Variants in PCDH18 observed in about 807,000 individuals in gnomAD.
The protein encoded by PCDH18 is protocadherin-18.
A neutral mutation model predicts 71.5 loss-of-function variants in PCDH18; 38 were observed. That is an observed-to-expected ratio of 0.53 (90% CI 0.41 to 0.70). PCDH18 has a LOEUF of 0.70. Among genes scored for constraint, PCDH18 ranks in the 30% least tolerant of loss-of-function variants. The pLI, the probability that PCDH18 is intolerant of heterozygous loss-of-function variation, is 0.00. For missense variants in PCDH18, 1,334 were observed against 1,384.6 expected (o/e 0.96, Z 0.58); for synonymous variants, 565 against 505.4 (o/e 1.12, Z -1.58).
chr4:137,523,246 G>A (rs1350067475), intron 3 of PCDH18, among the ~76,000 whole-genome samples: 1 of 151,964 alleles, frequency 6.6e-6, no homozygotes, highest in African/African-American at 2.4e-5. Flanking sequence ...GTTATGAAAG[G>A]TTACATTTAA....
Position 137,529,939 on chromosome 4 carries a change from A to G in PCDH18, c.2150T>C (p.Met717Thr). ...GAICAVLLVI[M>T]VLFATRCNRE... is the part of the protein sequence containing the mutation. Reference sequence around the variant, plus strand: ...GTTACACCTAGTTGCAAATAGCACCATAATAACCAGCAACACTGCACAAAT... The same window carrying G: ...GTTACACCTAGTTGCAAATAGCACCGTAATAACCAGCAACACTGCACAAAT... The change falls in exon 1 of 4, where the codon ATG becomes ACG. Residue 717 changes from methionine to threonine, a missense_variant. By Grantham distance (81) the Met-to-Thr change is moderately conservative (BLOSUM62 -1). Transcript: ENST00000344876. 1.2e-6 allele frequency: 2 copies of G among 1,614,006 alleles called. No individual in the cohort carries two copies. Among genetic ancestry groups the G allele is most frequent in the South Asian group, 1.1e-5 (1 of 91,068 alleles).
rs1019497848 is a variant in PCDH18 at position 137,520,139 on chromosome 4, T to C, written c.*890A>G. 4.6e-5 allele frequency: 7 copies of C among 152,636 alleles called. No homozygotes were observed. The highest frequency in any genetic ancestry group is 9.6e-5 in the African/African-American group (4 of 41,458). The allele number at this position is 152,636 out of a possible 1,614,324, so 9.5% of individuals were successfully genotyped here. A position where few individuals can be genotyped will look rare whatever the true frequency, so the allele number is the denominator to read the frequency against. On this transcript the variant is annotated 3_prime_UTR_variant, in exon 4 of 4. Coordinates refer to ENST00000344876, the MANE Select transcript of PCDH18 (RefSeq NM_019035.5). ...ATATTTACTACCTTAGGAGAGACAC[T>C]GACACAACTGTTTTTATCCAGTAAT...
chr4:137,522,789 C>T (rs1450569880), intron 3 of PCDH18, among the ~76,000 whole-genome samples: 1 of 152,132 alleles, frequency 6.6e-6, no homozygotes, highest in Non-Finnish European at 1.5e-5. Context: ...GAAGGATGCC[C>T]ATTCCCTTAT....
intron 3 of PCDH18, among the ~76,000 whole-genome samples, chr4:137,522,599 A>C (rs2149212142): frequency 6.6e-6 from 1 of 152,332 alleles, no homozygotes; most frequent in South Asian, 2.1e-4. Context: ...GCTGTTCAGT[A>C]TTATGATTTC....
At position 137,519,608 on chromosome 4, in the gene PCDH18, A is replaced by G. The variant is rs1454175061; in HGVS notation, c.*1421T>C. Reference sequence around the variant, plus strand: ...CTGCCTGTTTATTATTTGAAACTCAACACTGAATCACCCGCTCAGGAAGGG... The same window carrying G: ...CTGCCTGTTTATTATTTGAAACTCAGCACTGAATCACCCGCTCAGGAAGGG... On this transcript the variant is annotated 3_prime_UTR_variant, in exon 4 of 4. Transcript: ENST00000344876. 6.6e-6 allele frequency: 1 copy of G among 152,180 alleles called. No individual in the cohort carries two copies. The highest frequency in any genetic ancestry group is 1.9e-4 in the East Asian group (1 of 5,190). 9.4% of individuals were successfully genotyped at this position (152,180 alleles called of 1,614,324 possible).
At position 137,521,429 on chromosome 4, in the gene PCDH18, G is replaced by A; in HGVS notation, c.3008C>T (p.Ser1003Phe). The A allele has an allele frequency of 6.2e-7, 1 of 1,614,226 alleles. No homozygotes were observed. The highest frequency in any genetic ancestry group is 8.5e-7 in the Non-Finnish European group (1 of 1,180,040). The change falls in exon 4 of 4, where the codon TCT becomes TTT. Residue 1003 changes from serine (S) to phenylalanine (F), a missense_variant. Coordinates refer to ENST00000344876, the MANE Select transcript of PCDH18 (RefSeq NM_019035.5). ...DEDTGDTSTS[S>F]LLSEMSSVFQ... ...CACACTGCTCATTTCCGAGAGCAGA[G>A]ATGATGTGCTGGTATCCCCAGTGTC... is the stretch of plus-strand genomic sequence containing the variant.
chr4:137,529,656 G>C lies in PCDH18; in HGVS notation c.2433C>G (p.Asn811Lys), dbSNP rs762263730. The change falls in exon 1 of 4, where the codon AAC becomes AAG. Residue 811 changes from asparagine to lysine, a missense_variant. Physicochemically the swap from Asn to Lys is moderately conservative, Grantham distance 94 (BLOSUM62 0). Transcript: ENST00000344876. ...CTAATGAGAAATTCTCTGGCACGTG[G>C]TTTGATGAGATTGTCACCAAACTGT... ...SLNSLVTISS[N>K]HVPENFSLEL... is the part of the protein sequence containing the mutation. 9.9e-6 allele frequency: 16 copies of C among 1,613,670 alleles called. No individual in the cohort carries two copies. Among genetic ancestry groups the C allele is most frequent in the Non-Finnish European group, 1.4e-5 (16 of 1,179,738 alleles).
rs1434008369 is a variant in PCDH18, at chr4:137,530,195, C to G, written c.1894G>C (p.Asp632His). The G allele has an allele frequency of 6.2e-7, 1 of 1,613,452 alleles. No homozygotes were observed. The highest frequency in any genetic ancestry group is 1.7e-5 in the Admixed American group (1 of 59,964). The change falls in exon 1 of 4, where the codon GAT (aspartate) becomes CAT (histidine). Residue 632 changes from aspartate to histidine, a missense_variant. Coordinates refer to ENST00000344876, the MANE Select transcript of PCDH18 (RefSeq NM_019035.5). ...AGNEENIFII[D>H]PRSCDIHTNV... ...GTATGGATGTCACATGATCGTGGAT[C>G]AATTATGAAGATATTCTCCTCATTA... is the stretch of plus-strand genomic sequence containing the variant.
In PCDH18 at chr4:137,530,402, C is replaced by A; in HGVS notation, c.1687G>T (p.Val563Leu). 1 of 1,614,108 alleles carries A rather than the reference C, an allele frequency of 6.2e-7. No individual in the cohort carries two copies. The highest frequency in any genetic ancestry group is 8.5e-7 in the Non-Finnish European group (1 of 1,179,976). ...PKQLVSNTTV[V>L]LTIIDENDNV... ...TCATTTTCGTCAATGATGGTGAGCA[C>A]AACTGTGGTATTGCTTACCAGTTGC... The change falls in exon 1 of 4, where the codon GTG becomes TTG. Residue 563 changes from valine to leucine, a missense_variant. By Grantham distance (32) the Val-to-Leu change is conservative (BLOSUM62 1). Around this residue, in one of 3 missense-constraint regions of PCDH18, gnomAD observed 1,011 missense variants for 1,048.0 expected, o/e 0.96. Coordinates refer to ENST00000344876, the MANE Select transcript of PCDH18 (RefSeq NM_019035.5).
intron 3 of PCDH18, among the ~76,000 whole-genome samples, chr4:137,528,148 C>A (rs990983019): frequency 3.9e-5 from 6 of 152,156 alleles, no homozygotes; most frequent in African/African-American, 1.4e-4. Flanking sequence ...AAGAGTTACA[C>A]AACCGTGTTC....
chr4:137,527,853 T>G (rs1731524779), intron 3 of PCDH18, among the ~76,000 whole-genome samples: 1 of 152,202 alleles, frequency 6.6e-6, no homozygotes, highest in Non-Finnish European at 1.5e-5. Context: ...ATAGCATCTC[T>G]TCTATCTAGC....
rs767081624 is a variant in PCDH18, at chr4:137,521,027, T to G, written c.*2A>C. 1.9e-5 allele frequency: 30 copies of G among 1,570,712 alleles called. No homozygotes were observed. The highest frequency in any genetic ancestry group is 2.5e-5 in the Non-Finnish European group (29 of 1,154,318). ...GAAACAAAAATGCTTCGCTAAAATC[T>G]CCTAGCTCTGGCGGACATCTTGAAG... On this transcript the variant is annotated 3_prime_UTR_variant, in exon 4 of 4. Transcript: ENST00000344876.
In PCDH18 at chr4:137,520,877, T is replaced by C. The variant is rs1731267656; in HGVS notation, c.*152A>G. The C allele has an allele frequency of 7.1e-6, 4 of 566,834 alleles. No homozygotes were observed. Among genetic ancestry groups the C allele is most frequent in the Admixed American group, 6.7e-5 (2 of 29,890 alleles). The allele number at this position is 566,834 out of a possible 1,614,324, so 35.1% of individuals were successfully genotyped here. On this transcript the variant is annotated 3_prime_UTR_variant, in exon 4 of 4. Transcript: ENST00000344876. The stretch of plus-strand genomic sequence containing the variant: ...AATAATCACACTTGCATTGTGTACA[T>C]ACGAAAATACAGTATTTAATATTCA...
rs781658763 is a variant in PCDH18 at position 137,528,541 on chromosome 4, T to C, written c.2677A>G (p.Ile893Val). The change falls in exon 3 of 4, where the codon ATA becomes GTA. Residue 893 changes from isoleucine to valine, a missense_variant. Physicochemically the swap from Ile to Val is conservative, Grantham distance 29 (BLOSUM62 3). This residue lies in a region of PCDH18 where 319 missense variants were observed against 316.3 expected (regional missense o/e 1.01). Coordinates refer to ENST00000344876, the MANE Select transcript of PCDH18 (RefSeq NM_019035.5). Reference protein sequence around the residue: ...SDYDLGRDSPIDRLLGEGFSD... With the variant: ...SDYDLGRDSPVDRLLGEGFSD... The stretch of plus-strand genomic sequence containing the variant: ...AATCCTTCACCCAACAGCCTATCTA[T>C]TGGAGAATCTCGCCCCAAATCATAA... 6.2e-7 allele frequency: 1 copy of C among 1,614,018 alleles called. No homozygotes were observed. Among genetic ancestry groups the C allele is most frequent in the African/African-American group, 1.3e-5 (1 of 75,028 alleles).
intron 3 of PCDH18, among the ~76,000 whole-genome samples, chr4:137,524,825 A>G (rs1426914449): frequency 2.0e-5 from 3 of 152,168 alleles, no homozygotes; most frequent in Non-Finnish European, 4.4e-5. Flanking sequence ...AATGTTCTCA[A>G]AATGTTGTTC....
rs377299917 is a variant in PCDH18 at position 137,532,448 on chromosome 4, C to G, written c.-360G>C. ...GCGATTCTTTCTCCCTTTAGCTGCT[C>G]GGCTGCAGACTAAACACCCGTGATT... On this transcript the variant is annotated 5_prime_UTR_variant, in exon 1 of 4. Coordinates refer to ENST00000344876, the MANE Select transcript of PCDH18 (RefSeq NM_019035.5). 2.3e-5 allele frequency: 15 copies of G among 657,498 alleles called. No homozygotes were observed. In the African/African-American group the frequency reaches 2.5e-4, roughly 11 times the overall value. 40.7% of individuals were successfully genotyped at this position (657,498 alleles called of 1,614,324 possible).
Position 137,530,660 on chromosome 4 carries a change from TTTCTGAAATTACAAA to T in PCDH18, c.1414_1428del (p.Phe472_Glu476del). 1 of 1,613,284 alleles carries T rather than the reference TTTCTGAAATTACAAA, an allele frequency of 6.2e-7. No individual in the cohort carries two copies. The highest frequency in any genetic ancestry group is 8.5e-7 in the Non-Finnish European group (1 of 1,179,710). ...GTGATATATGCCCCTGGTGAGTTAT[TTTCTGAAATTACAAA>T]TTCATATCGGCTTCTCTGGAAGTGG... On this transcript the variant is annotated inframe_deletion, in exon 1 of 4. Coordinates refer to ENST00000344876, the MANE Select transcript of PCDH18 (RefSeq NM_019035.5).
chr4:137,531,374 A>C lies in PCDH18; in HGVS notation c.715T>G (p.Ser239Ala). The change falls in exon 1 of 4, where the codon TCC (serine) becomes GCC (alanine). Residue 239 changes from serine to alanine, a missense_variant. By Grantham distance (99) the Ser-to-Ala change is moderately conservative. Coordinates refer to ENST00000344876, the MANE Select transcript of PCDH18 (RefSeq NM_019035.5). The stretch of plus-strand genomic sequence containing the variant: ...TCAAAAGCAGGGCTGTTGTCATTGG[A>C]GTCTGAAATGCTTATTTTTAGTATG... ...SSILKISISD[S>A]NDNSPAFEQQ... The C allele has an allele frequency of 6.2e-7, 1 of 1,613,382 alleles. No homozygotes were observed. The highest frequency in any genetic ancestry group is 1.7e-4 in the Middle Eastern group (1 of 6,050).
chr4:137,527,955 A>G (rs1277446596), intron 3 of PCDH18, among the ~76,000 whole-genome samples: 1 of 152,184 alleles, frequency 6.6e-6, no homozygotes, highest in Non-Finnish European at 1.5e-5. Context: ...CTTACCACCT[A>G]CAAAGATGCA....
Sources: allele counts gnomAD v4.1 joint callset (sites outside exome capture counted in the v4.1 genomes callset), GRCh38; gene constraint gnomAD v4.1.1; regional missense constraint gnomAD v4.1.1; transcripts MANE v1.5; gene names NCBI Gene and HGNC (gene_info 2026-07-23, HGNC 2026-07-21).